FGF14: variants seen among roughly 807,000 people sequenced by gnomAD.
FGF14 encodes the protein fibroblast growth factor homologous factor 4.
A neutral mutation model predicts 25.5 loss-of-function variants in FGF14; 5 were observed. The observed-to-expected ratio is 0.20, with a 90% CI of 0.10 to 0.41. FGF14 has a LOEUF of 0.41. FGF14 is among the 10% of genes least tolerant of loss of function. FGF14 has a pLI of 1.00. For synonymous variants in FGF14, 138 were observed against 118.3 expected, an observed-to-expected ratio of 1.17 and a Z score of -1.08; for missense variants, 222 against 320.1, an observed-to-expected ratio of 0.69 and a Z score of 2.34.
In FGF14 at chr13:102,032,097, A is replaced by C. The variant is rs74514274; in HGVS notation, c.209-156801T>G. ...CATGAAGATACTGATGACTGACTCC[A>C]AAACTCCTGCTGGCCCACAGCTCCA... On this transcript the variant is annotated intron_variant, in intron 1 of 4. Coordinates refer to the FGF14 transcript ENST00000376131. Among the ~76,000 whole-genome samples, 1,520 of 152,266 alleles carry C rather than the reference A, an allele frequency of 1.0e-2. 24 individuals carry two copies. The highest frequency in any genetic ancestry group is 0.034 in the African/African-American group (1,424 of 41,568).
At chr13:101,820,778 CCACACA>C (rs869232661) in intron 3 of FGF14, among the ~76,000 whole-genome samples, 8 of 28,528 alleles carry the variant, frequency 2.8e-4, no homozygotes, top group South Asian at 3.4e-3. Flanking sequence ...ACACCACACA[CCACACA>C]CACACACACA....
chr13:101,832,418 C>T (rs969673286), intron 3 of FGF14, among the ~76,000 whole-genome samples: 3 of 151,966 alleles, frequency 2.0e-5, no homozygotes, highest in African/African-American at 7.2e-5. Context: ...GAAACTCACA[C>T]TGGAAGTATT....
intron 1 of FGF14, among the ~76,000 whole-genome samples, chr13:102,374,670 A>G (rs1469586998): frequency 1.0e-5 from 1 of 95,872 alleles, no homozygotes; most frequent in Non-Finnish European, 2.4e-5. Flanking sequence ...ATATATATAT[A>G]TATATATATA....
At chr13:102,387,552 T>C (rs1022111140) in intron 1 of FGF14, among the ~76,000 whole-genome samples, 3 of 152,222 alleles carry the variant, frequency 2.0e-5, no homozygotes, top group Non-Finnish European at 4.4e-5. Context: ...AGGGCTTTAC[T>C]AGAAAACATC....
At chr13:101,760,963 GA>G (rs889037068) in intron 3 of FGF14, among the ~76,000 whole-genome samples, 8 of 150,682 alleles carry the variant, frequency 5.3e-5, no homozygotes, top group African/African-American at 1.5e-4. Context: ...CTTGAAGGAT[GA>G]AAAAAAAAGT....
intron 1 of FGF14, among the ~76,000 whole-genome samples, chr13:102,278,667 CACAT>C (rs1354782516): frequency 2.0e-5 from 3 of 150,806 alleles, no homozygotes; most frequent in African/African-American, 7.4e-5. Context: ...CATACACACA[CACAT>C]ACACACTTCA....
chr13:102,132,269 C>T lies in FGF14; in HGVS notation c.209-256973G>A, dbSNP rs1004128842. 9.2e-5 allele frequency among the ~76,000 whole-genome samples: 14 copies of T among 152,114 alleles called. No individual in the cohort carries two copies. The South Asian group carries it at 1.2e-3, about 14-fold the overall frequency. ...ACACGGGGAGATCTTACACACATAA[C>T]ATTAAAAGAAGAAAGAAAATACAAA... On this transcript the variant is annotated intron_variant, in intron 1 of 4. Coordinates refer to the FGF14 transcript ENST00000376131.
intron 3 of FGF14, among the ~76,000 whole-genome samples, chr13:101,769,489 C>G (rs540476921): frequency 8.5e-5 from 13 of 152,122 alleles, no homozygotes; most frequent in Non-Finnish European, 1.8e-4. Context: ...TCTGTCTACA[C>G]GAAAACCTGC....
At chr13:101,996,791 T>C (rs2039209966) in intron 1 of FGF14, among the ~76,000 whole-genome samples, 1 of 152,192 alleles carries the variant, frequency 6.6e-6, no homozygotes, top group Non-Finnish European at 1.5e-5. Flanking sequence ...ATAAGTGACA[T>C]CAAGGAAGCT....
At chr13:102,021,071 G>C (rs1043250826) in intron 1 of FGF14, among the ~76,000 whole-genome samples, 1 of 151,964 alleles carries the variant, frequency 6.6e-6, no homozygotes, top group African/African-American at 2.4e-5. Context: ...ATGACTACTG[G>C]GTGTATGTGC....
intron 1 of FGF14, among the ~76,000 whole-genome samples, chr13:102,325,690 T>A (rs1458485198): frequency 6.6e-6 from 1 of 152,190 alleles, no homozygotes; most frequent in Admixed American, 6.6e-5. Context: ...AAGCTTTATT[T>A]TTCTTCTAAC....
In FGF14 at chr13:102,199,253, G is replaced by C. The variant is rs536227562; in HGVS notation, c.208+202218C>G. On this transcript the variant is annotated intron_variant, in intron 1 of 4. Coordinates refer to the FGF14 transcript ENST00000376131. Reference sequence around the variant, plus strand: ...AACAGTGTAAAGCCTTGGTTTAATAGAGAGTTCGTCTTTCTTCTGAGGAAT... The same window carrying C: ...AACAGTGTAAAGCCTTGGTTTAATACAGAGTTCGTCTTTCTTCTGAGGAAT... Among the ~76,000 whole-genome samples the C allele has an allele frequency of 3.3e-5, 5 of 152,270 alleles. No homozygotes were observed. In the East Asian group the frequency reaches 5.8e-4, roughly 18 times the overall value.
At chr13:102,322,894 A>T (rs1216181003) in intron 1 of FGF14, among the ~76,000 whole-genome samples, 6 of 152,148 alleles carry the variant, frequency 3.9e-5, no homozygotes, top group Non-Finnish European at 8.8e-5. Flanking sequence ...TAAAAAAAAA[A>T]AGTTGCCATG....
chr13:101,906,623 T>C (rs996576268), intron 1 of FGF14, among the ~76,000 whole-genome samples: 10 of 152,300 alleles, frequency 6.6e-5, no homozygotes, highest in African/African-American at 2.2e-4. Flanking sequence ...TGTCTCGTTG[T>C]TGAGCCAAGT....
At chr13:102,007,244 G>A (rs573066761) in intron 1 of FGF14, among the ~76,000 whole-genome samples, 2 of 152,306 alleles carry the variant, frequency 1.3e-5, no homozygotes, top group South Asian at 4.1e-4. Flanking sequence ...TGAGTAACAA[G>A]GGTCTAAGGT....
intron 1 of FGF14, among the ~76,000 whole-genome samples, chr13:101,909,243 G>C (rs1244209325): frequency 2.6e-5 from 4 of 152,132 alleles, no homozygotes; most frequent in Non-Finnish European, 5.9e-5. Flanking sequence ...TGACAAATGG[G>C]ATCTAATTAA....
At chr13:101,739,089 G>GTATATA (rs113467291) in intron 3 of FGF14, among the ~76,000 whole-genome samples, 82 of 114,800 alleles carry the variant, frequency 7.1e-4, no homozygotes, top group African/African-American at 1.4e-3. Context: ...TACTTTAACA[G>GTATATA]TATATATATA....
chr13:102,120,937 C>CA (rs1426469129), intron 1 of FGF14, among the ~76,000 whole-genome samples: 1 of 152,190 alleles, frequency 6.6e-6, no homozygotes, highest in African/African-American at 2.4e-5. Context: ...CTCCTGATCT[C>CA]AGGTGATCCG....
chr13:102,095,811 T>C (rs1263024099), intron 1 of FGF14, among the ~76,000 whole-genome samples: 2 of 152,140 alleles, frequency 1.3e-5, no homozygotes, highest in Non-Finnish European at 2.9e-5. Context: ...ATATACAAAA[T>C]ATGAGTTAAT....
Sources: gnomAD v4.1 joint callset for allele counts (sites outside exome capture counted in the v4.1 genomes callset) on GRCh38, gnomAD v4.1.1 for gene constraint, MANE v1.5 for transcripts, NCBI Gene and HGNC (gene_info 2026-07-23, HGNC 2026-07-21) for gene names.